The following APBB2 variants were observed in gnomAD, a reference collection of about 807,000 sequenced individuals.
APBB2 encodes amyloid beta precursor protein binding family B member 2, also known as Fe65-like 1.
A neutral mutation model predicts 82.5 loss-of-function variants in APBB2; 38 were observed. The observed-to-expected ratio is 0.46, with a 90% CI of 0.36 to 0.60. The LOEUF is 0.60. Among genes scored for constraint, APBB2 ranks in the 20% least tolerant of loss-of-function variants. APBB2 has a pLI of 0.00. For synonymous variants in APBB2, 341 were observed against 368.2 expected (o/e 0.93, Z 0.85); for missense variants, 772 against 972.3 (o/e 0.79, Z 2.74).
chr4:41,147,481 CTTTTTTT>C (rs558746840), intron 1 of APBB2, among the ~76,000 whole-genome samples: 2,967 of 103,108 alleles, frequency 0.029, 67 homozygotes, highest in Non-Finnish European at 0.04. Context: ...GTTTGGCCAG[CTTTTTTT>C]TTTTTTTTTT....
intron 12 of APBB2, among the ~76,000 whole-genome samples, chr4:40,872,742 A>G (rs1156944575): frequency 6.6e-6 from 1 of 152,024 alleles, no homozygotes; most frequent in Non-Finnish European, 1.5e-5. Context: ...AGATCACTGT[A>G]AGATACACAG....
At chr4:40,906,573 GA>G (rs1776817619) in intron 10 of APBB2, among the ~76,000 whole-genome samples, 1 of 151,892 alleles carries the variant, frequency 6.6e-6, no homozygotes, top group African/African-American at 2.4e-5. Flanking sequence ...GAGGAGGGAG[GA>G]AACTTCCATT....
rs6447600 is a variant in APBB2 at position 41,060,771 on chromosome 4, C to T, written c.-51+4805G>A. On this transcript the variant is annotated intron_variant, in intron 4 of 17. Transcript: ENST00000508593. ...CCCCATGGCAAAAGCAGGATTTTAGCGGGTTACCAAAAGATGGATCCACAT... is the reference window on the plus strand; with the variant it reads ...CCCCATGGCAAAAGCAGGATTTTAGTGGGTTACCAAAAGATGGATCCACAT... 6.6e-3 allele frequency among the ~76,000 whole-genome samples: 1,009 copies of T among 151,742 alleles called. 15 individuals are homozygous for T. The highest frequency in any genetic ancestry group is 0.022 in the African/African-American group (899 of 41,070).
intron 10 of APBB2, among the ~76,000 whole-genome samples, chr4:40,921,197 C>A (rs918044323): frequency 6.6e-6 from 1 of 152,134 alleles, no homozygotes. Context: ...TGTATTTGTG[C>A]CCATACATGC....
intron 12 of APBB2, chr4:40,880,541 C>T: frequency 3.0e-6 from 3 of 985,468 alleles, no homozygotes; most frequent in Non-Finnish European, 3.6e-6. Context: ...TTCTCAAAGA[C>T]ATTCATCCAT....
rs200300140 is a variant in APBB2 at position 41,014,238 on chromosome 4, G to T, written c.180C>A (p.Asn60Lys). The change falls in exon 6 of 18, where the codon AAC becomes AAA. Residue 60 changes from asparagine to lysine, a missense_variant. By Grantham distance (94) the Asn-to-Lys change is moderately conservative (BLOSUM62 0). Transcript: ENST00000508593. ...TTTTCCTGCATTTGGGAGGTGTGCTGTTCTTGGTTTCTGTGTGTTTTATTT... is the reference window on the plus strand; with the variant it reads ...TTTTCCTGCATTTGGGAGGTGTGCTTTTCTTGGTTTCTGTGTGTTTTATTT... The part of the protein sequence containing the change: ...NAEIKHTETK[N>K]STPPKCRKKY... 23 of 1,614,200 alleles carry T rather than the reference G, an allele frequency of 1.4e-5. No individual in the cohort carries two copies. The highest frequency in any genetic ancestry group is 1.6e-4 in the Middle Eastern group (1 of 6,062).
intron 7 of APBB2, among the ~76,000 whole-genome samples, chr4:40,940,053 A>G (rs945703616): frequency 3.3e-5 from 5 of 152,190 alleles, no homozygotes; most frequent in Admixed American, 6.5e-5. Context: ...TTCATTCAGC[A>G]AATAGTTAAT....
At chr4:40,966,835 C>T (rs1021259890) in intron 6 of APBB2, among the ~76,000 whole-genome samples, 1 of 152,156 alleles carries the variant, frequency 6.6e-6, no homozygotes, top group African/African-American at 2.4e-5. Flanking sequence ...CTGTGAATGG[C>T]AGGTTAATGG....
At chr4:40,990,945 G>A (rs368462067) in intron 6 of APBB2, among the ~76,000 whole-genome samples, 1 of 151,904 alleles carries the variant, frequency 6.6e-6, no homozygotes, top group East Asian at 1.9e-4. Flanking sequence ...TGGGGGTTGG[G>A]GGCAGGGAGG....
intron 5 of APBB2, among the ~76,000 whole-genome samples, chr4:41,020,196 A>C (rs1438288038): frequency 6.6e-6 from 1 of 152,274 alleles, no homozygotes; most frequent in African/African-American, 2.4e-5. Flanking sequence ...CAGTGTAAAC[A>C]AGGGTGTAAC....
chr4:40,914,533 C>G (rs1779377243), intron 10 of APBB2, among the ~76,000 whole-genome samples: 1 of 152,118 alleles, frequency 6.6e-6, no homozygotes, highest in Non-Finnish European at 1.5e-5. Flanking sequence ...GCCTGGGCAA[C>G]AAGAGTGAAA....
chr4:41,172,000 T>TA, intron 1 of APBB2, among the ~76,000 whole-genome samples: 1 of 152,268 alleles, frequency 6.6e-6, no homozygotes, highest in South Asian at 2.1e-4. Context: ...ATCGGGAGGC[T>TA]AAGGCAGTAG....
intron 10 of APBB2, among the ~76,000 whole-genome samples, chr4:40,911,705 G>A (rs1040620879): frequency 1.3e-5 from 2 of 152,136 alleles, no homozygotes; most frequent in African/African-American, 2.4e-5. Context: ...CTCAACAGAG[G>A]TGCATCCTGA....
At chr4:40,981,947 A>C (rs1440374048) in intron 6 of APBB2, among the ~76,000 whole-genome samples, 2 of 151,912 alleles carry the variant, frequency 1.3e-5, no homozygotes, top group Non-Finnish European at 2.9e-5. Context: ...GCACTTTGGG[A>C]GGCCGAGAAG....
intron 7 of APBB2, among the ~76,000 whole-genome samples, chr4:40,941,118 A>T (rs1219708124): frequency 6.6e-6 from 1 of 151,376 alleles, no homozygotes; most frequent in East Asian, 1.9e-4. Context: ...TAGTCAACAG[A>T]TTTAGCACTT....
At chr4:41,206,268 A>C (rs7663157) in intron 1 of APBB2, among the ~76,000 whole-genome samples, 63,897 of 151,928 alleles carry the variant, frequency 0.42, 13,939 homozygotes, top group African/African-American at 0.52. Context: ...AGGAGTCACT[A>C]GCCACAGCTC....
intron 10 of APBB2, among the ~76,000 whole-genome samples, chr4:40,907,549 T>A (rs1309264759): frequency 1.3e-5 from 2 of 151,162 alleles, no homozygotes; most frequent in Admixed American, 6.6e-5. Context: ...TTTTGTATTT[T>A]TAGTAGAGAT....
chr4:40,971,371 T>C (rs556459360), intron 6 of APBB2, among the ~76,000 whole-genome samples: 1 of 152,358 alleles, frequency 6.6e-6, no homozygotes, highest in Non-Finnish European at 1.5e-5. Context: ...AGGCATGTTA[T>C]AGTACTGACA....
chr4:40,911,602 C>A (rs1336535544), intron 10 of APBB2, among the ~76,000 whole-genome samples: 1 of 152,218 alleles, frequency 6.6e-6, no homozygotes, highest in Non-Finnish European at 1.5e-5. Flanking sequence ...TCTGCCCAAT[C>A]CAATCCATGT....
Sources: gnomAD v4.1 joint callset for allele counts (sites outside exome capture counted in the v4.1 genomes callset) on GRCh38, gnomAD v4.1.1 for gene constraint, MANE v1.5 for transcripts, NCBI Gene and HGNC (gene_info 2026-07-23, HGNC 2026-07-21) for gene names.